SUPT3H: variants seen among roughly 807,000 people sequenced by gnomAD.
The protein encoded by SUPT3H is transcription initiation protein SPT3 homolog.
Under a neutral mutation model 44.3 loss-of-function variants are expected in SUPT3H, and 44 were observed. The ratio of observed to expected loss-of-function variants is 0.99; its 90% confidence interval spans 0.78 to 1.28. The LOEUF (loss-of-function observed/expected upper bound fraction) is 1.28, where lower values mean the gene tolerates loss of function less well. Among genes scored for constraint, SUPT3H ranks in the 50% most tolerant of loss-of-function variants. SUPT3H has a pLI of 0.00. For missense variants in SUPT3H, 380 were observed against 387.1 expected (o/e 0.98, Z 0.15); for synonymous variants, 124 against 125.6 (o/e 0.99, Z 0.09).
chr6:44,882,507 A>G (rs1778411015), intron 10 of SUPT3H, among the ~76,000 whole-genome samples: 1 of 152,212 alleles, frequency 6.6e-6, no homozygotes, highest in Non-Finnish European at 1.5e-5. Flanking sequence ...ACAATAGAAA[A>G]AGAGGGACTC....
intron 3 of SUPT3H, among the ~76,000 whole-genome samples, chr6:45,030,446 CTT>C (rs1786738538): frequency 6.6e-6 from 1 of 152,148 alleles, no homozygotes; most frequent in African/African-American, 2.4e-5. Flanking sequence ...GTAGCCCTTA[CTT>C]GTTTCTTCAA....
At chr6:45,346,567 C>CTTTTTTTTTTTTT (rs71745024) in intron 2 of SUPT3H, among the ~76,000 whole-genome samples, 1 of 140,430 alleles carries the variant, frequency 7.1e-6, no homozygotes. Context: ...ATAAACATTT[C>CTTTTTTTTTTTTT]TTTTTTTTTT....
intron 2 of SUPT3H, among the ~76,000 whole-genome samples, chr6:45,218,945 A>G (rs1312258050): frequency 6.6e-6 from 1 of 152,224 alleles, no homozygotes; most frequent in Admixed American, 6.5e-5. Flanking sequence ...CCATAATTGA[A>G]TCAAACTATT....
At chr6:44,895,217 T>G (rs779721866) in intron 10 of SUPT3H, among the ~76,000 whole-genome samples, 1 of 150,786 alleles carries the variant, frequency 6.6e-6, no homozygotes, top group South Asian at 2.1e-4. Context: ...CTATATGGAA[T>G]AATAATAGTG....
intron 10 of SUPT3H, among the ~76,000 whole-genome samples, chr6:44,927,091 TAAAG>T (rs1769626657): frequency 6.8e-6 from 1 of 146,176 alleles, no homozygotes; most frequent in Admixed American, 6.8e-5. Context: ...ATAACCTAAA[TAAAG>T]AACAAAATGG....
At chr6:44,997,089 G>C (rs1294938329) in intron 6 of SUPT3H, among the ~76,000 whole-genome samples, 1 of 151,578 alleles carries the variant, frequency 6.6e-6, no homozygotes, top group African/African-American at 2.4e-5. Context: ...AAGTAATTGT[G>C]GTTTTGCCAT....
rs946603540 is a variant in SUPT3H, at chr6:45,054,916, C to T, written c.187-34284G>A. ...CTTATGGGTTCAAAATGTTTGAACC[C>T]ATAAGAAAACTTTTAATCACTGGCT... On this transcript the variant is annotated intron_variant, in intron 3 of 10. Transcript: ENST00000371459. 2.6e-5 allele frequency among the ~76,000 whole-genome samples: 4 copies of T among 152,006 alleles called. No individual in the cohort carries two copies. The East Asian group carries it at 5.8e-4, about 22-fold the overall frequency.
At chr6:45,016,050 C>A (rs1405785401) in intron 4 of SUPT3H, among the ~76,000 whole-genome samples, 1 of 152,040 alleles carries the variant, frequency 6.6e-6, no homozygotes, top group African/African-American at 2.4e-5. Context: ...AATACATAAA[C>A]AAGTAACAAT....
chr6:45,175,178 TGCA>T (rs1811521953), intron 2 of SUPT3H, among the ~76,000 whole-genome samples: 1 of 151,832 alleles, frequency 6.6e-6, no homozygotes, highest in Non-Finnish European at 1.5e-5. Context: ...CGTATATGTT[TGCA>T]GATGTGTGTG....
Position 44,978,994 on chromosome 6 carries a change from T to C in SUPT3H, c.505-17166A>G, listed in dbSNP as rs530515477. ...AAGCACAAAAGCAATCCTGTTAATA[T>C]TCTTTTCTATTGGTGCCTTTTAGGT... On this transcript the variant is annotated intron_variant, in intron 6 of 10. Transcript: ENST00000371459. Among the ~76,000 whole-genome samples, 173 of 152,336 alleles carry C rather than the reference T, an allele frequency of 1.1e-3. 2 individuals carry two copies. The highest frequency in any genetic ancestry group is 4.0e-3 in the African/African-American group (168 of 41,590).
At chr6:45,098,762 C>A in intron 3 of SUPT3H, 1 of 484,134 alleles carries the variant, frequency 2.1e-6, no homozygotes. Flanking sequence ...GACATCATCA[C>A]TACCAGTTTG....
chr6:44,964,518 C>T (rs571506945), intron 6 of SUPT3H, among the ~76,000 whole-genome samples: 19 of 152,248 alleles, frequency 1.2e-4, no homozygotes, highest in African/African-American at 3.9e-4. Flanking sequence ...CAAAATTTGT[C>T]GTCAGAGGTT....
intron 2 of SUPT3H, among the ~76,000 whole-genome samples, chr6:45,363,820 G>T (rs1794677327): frequency 1.3e-5 from 2 of 151,878 alleles, no homozygotes; most frequent in African/African-American, 4.8e-5. Flanking sequence ...TTTGGCTTTA[G>T]AATATTTTTA....
chr6:45,330,556 GAAGTA>G (rs1238581421), intron 2 of SUPT3H, among the ~76,000 whole-genome samples: 2 of 151,946 alleles, frequency 1.3e-5, no homozygotes, highest in Non-Finnish European at 1.5e-5. Flanking sequence ...TTCAGTATTA[GAAGTA>G]AAGTTATCAT....
chr6:45,044,585 C>A (rs1422982533), intron 3 of SUPT3H, among the ~76,000 whole-genome samples: 1 of 152,090 alleles, frequency 6.6e-6, no homozygotes, highest in Non-Finnish European at 1.5e-5. Flanking sequence ...ATGAGTCAGG[C>A]ACTATACCAG....
chr6:45,282,351 G>T (rs563988640), intron 2 of SUPT3H, among the ~76,000 whole-genome samples: 1 of 151,786 alleles, frequency 6.6e-6, no homozygotes, highest in Non-Finnish European at 1.5e-5. Context: ...AAAATTAGAC[G>T]AATGGCTAAC....
chr6:44,847,223 A>T (rs1469626762), intron 10 of SUPT3H, among the ~76,000 whole-genome samples: 1 of 152,156 alleles, frequency 6.6e-6, no homozygotes, highest in Non-Finnish European at 1.5e-5. Flanking sequence ...TTGCTGATAC[A>T]GTTATTTTGT....
intron 2 of SUPT3H, among the ~76,000 whole-genome samples, chr6:45,188,045 C>A (rs1797145): frequency 0.62 from 94,408 of 152,084 alleles, 29,938 homozygotes; most frequent in African/African-American, 0.77. Context: ...TTTGTTAAGC[C>A]TGTACACACT....
chr6:44,883,958 A>G (rs151008112), intron 10 of SUPT3H, among the ~76,000 whole-genome samples: 2,496 of 152,268 alleles, frequency 0.016, 32 homozygotes, highest in Non-Finnish European at 0.025. Context: ...ATGGGCAAAG[A>G]CTTCATGACT....
Sources: allele counts gnomAD v4.1 joint callset (sites outside exome capture counted in the v4.1 genomes callset), GRCh38; gene constraint gnomAD v4.1.1; transcripts MANE v1.5; gene names NCBI Gene and HGNC (gene_info 2026-07-23, HGNC 2026-07-21).